SH2D4B: variants seen among roughly 807,000 people sequenced by gnomAD.
SH2D4B encodes the protein SH2 domain containing 4B, also known as SH2 domain-containing protein 4B.
In SH2D4B, 45 loss-of-function variants were observed where a neutral mutation model predicts 61.5. The observed-to-expected ratio is 0.73, with a 90% CI of 0.58 to 0.94. The LOEUF (loss-of-function observed/expected upper bound fraction) is 0.94. SH2D4B is among the 40% of genes least tolerant of loss of function. SH2D4B has a pLI of 0.00. For synonymous variants in SH2D4B, 224 were observed against 220.4 expected (o/e 1.02, Z -0.14); for missense variants, 572 against 574.2 (o/e 1.00, Z 0.04).
At chr10:80,594,302 A>G (rs1842363056) in intron 4 of SH2D4B, among the ~76,000 whole-genome samples, 1 of 152,200 alleles carries the variant, frequency 6.6e-6, no homozygotes, top group Non-Finnish European at 1.5e-5. Context: ...TGAGTTTCAT[A>G]TACTGAGCTA....
At chr10:80,605,572 T>C (rs1842509274) in intron 5 of SH2D4B, among the ~76,000 whole-genome samples, 1 of 152,200 alleles carries the variant, frequency 6.6e-6, no homozygotes, top group African/African-American at 2.4e-5. Context: ...TGAAGTATAA[T>C]GGCACCATCT....
At position 80,609,500 on chromosome 10, in the gene SH2D4B, C is replaced by T. The variant is rs756351009; in HGVS notation, c.937C>T (p.Arg313Cys). 6.1e-5 allele frequency: 98 copies of T among 1,614,106 alleles called. No individual in the cohort carries two copies. Among genetic ancestry groups the T allele is most frequent in the Admixed American group, 1.7e-4 (10 of 60,012 alleles). Residue 313 changes from arginine (R) to cysteine (C), a missense_variant, in exon 6 of 8, where the codon CGC becomes TGC. Physicochemically the swap from Arg to Cys is radical, Grantham distance 180. Transcript: ENST00000646907. ...CTGGTTTAAGGAGGAGCAGCTGCCTCGCCGAGCTGGCTTCGAGAGGAACAC... is the reference window on the plus strand; with the variant it reads ...CTGGTTTAAGGAGGAGCAGCTGCCTTGCCGAGCTGGCTTCGAGAGGAACAC... ...VRWFKEEQLP[R>C]RAGFERNTKF...
At chr10:80,553,319 G>A (rs1841786377) in intron 1 of SH2D4B, among the ~76,000 whole-genome samples, 1 of 152,198 alleles carries the variant, frequency 6.6e-6, no homozygotes, top group South Asian at 2.1e-4. Context: ...AAAGATTTAG[G>A]ATGTCCTGTC....
intron 1 of SH2D4B, among the ~76,000 whole-genome samples, chr10:80,552,548 C>T (rs1841775578): frequency 6.6e-6 from 1 of 152,190 alleles, no homozygotes; most frequent in East Asian, 1.9e-4. Flanking sequence ...ACAGCAGGGG[C>T]AGCTCGTGAG....
intron 3 of SH2D4B, among the ~76,000 whole-genome samples, chr10:80,587,710 C>CA (rs1420585619): frequency 1.3e-5 from 2 of 152,122 alleles, no homozygotes; most frequent in Non-Finnish European, 2.9e-5. Flanking sequence ...GCATATTACC[C>CA]AAGAGGCACT....
At chr10:80,544,407 G>A (rs1475179858) in intron 1 of SH2D4B, among the ~76,000 whole-genome samples, 1 of 152,340 alleles carries the variant, frequency 6.6e-6, no homozygotes, top group African/African-American at 2.4e-5. Flanking sequence ...GCGAGGGTCC[G>A]TGGCTTTATT....
At chr10:80,595,354 G>T (rs1190074355) in intron 4 of SH2D4B, among the ~76,000 whole-genome samples, 1 of 152,158 alleles carries the variant, frequency 6.6e-6, no homozygotes, top group Admixed American at 6.5e-5. Flanking sequence ...GGCTGTCTTT[G>T]CTCTCCAAGC....
In SH2D4B at chr10:80,634,395, C is replaced by T; in HGVS notation, c.1099C>T (p.Gln367Ter). ...GGGTTACACCCTCTCCTACCGCCTGCAGAAAGGGTTCAAACACTTTCTTGT... is the reference window on the plus strand; with the variant it reads ...GGGTTACACCCTCTCCTACCGCCTGTAGAAAGGGTTCAAACACTTTCTTGT... Reference protein sequence around the residue: ...IWGYTLSYRLQKGFKHFLVDA... With the variant: ...IWGYTLSYRL Residue 367 changes from glutamine to a stop codon, truncating the protein, a stop_gained, in exon 7 of 8, where the codon CAG becomes TAG. Transcript: ENST00000646907. LOFTEE classifies it high-confidence loss of function. 1 of 1,550,586 alleles carries T rather than the reference C, an allele frequency of 6.4e-7. No homozygotes were observed. The highest frequency in any genetic ancestry group is 8.7e-7 in the Non-Finnish European group (1 of 1,146,970).
intron 3 of SH2D4B, among the ~76,000 whole-genome samples, chr10:80,578,105 G>A (rs1406817297): frequency 6.6e-6 from 1 of 151,914 alleles, no homozygotes; most frequent in Non-Finnish European, 1.5e-5. Context: ...CAAGTAGCTG[G>A]GACTACAGGG....
intron 1 of SH2D4B, among the ~76,000 whole-genome samples, chr10:80,543,166 G>A (rs984211132): frequency 1.3e-5 from 2 of 152,306 alleles, no homozygotes; most frequent in South Asian, 2.1e-4. Context: ...CCACTTTGGC[G>A]GCACTTGAGG....
intron 1 of SH2D4B, among the ~76,000 whole-genome samples, chr10:80,568,976 C>G (rs1842005250): frequency 6.6e-6 from 1 of 152,236 alleles, no homozygotes; most frequent in African/African-American, 2.4e-5. Flanking sequence ...GATCTCTAGC[C>G]TGTTAAACAT....
intron 4 of SH2D4B, among the ~76,000 whole-genome samples, chr10:80,592,243 G>C (rs764120188): frequency 2.6e-5 from 4 of 152,044 alleles, no homozygotes; most frequent in Admixed American, 1.3e-4. Context: ...TTTTGTTGTT[G>C]AGTTGCCAGA....
At chr10:80,540,751 T>C in intron 1 of SH2D4B, 1 of 1,427,082 alleles carries the variant, frequency 7.0e-7, no homozygotes, top group Non-Finnish European at 9.5e-7. Context: ...GTGCTTGTCC[T>C]GGAGACGGTG....
chr10:80,644,320 A>G lies in SH2D4B; in HGVS notation c.*235A>G, dbSNP rs919477860. 10 of 479,830 alleles carry G rather than the reference A, an allele frequency of 2.1e-5. No homozygotes were observed. The highest frequency in any genetic ancestry group is 3.3e-5 in the Non-Finnish European group (9 of 269,558). 29.7% of individuals were successfully genotyped at this position (479,830 alleles called of 1,614,324 possible). On this transcript the variant is annotated 3_prime_UTR_variant, in exon 8 of 8. Transcript: ENST00000646907. Reference sequence around the variant, plus strand: ...CAACTCTTTCATGAAGAGCTTAGCTATGACCTTAGAAGACAAAGCCTGTTT... The same window carrying G: ...CAACTCTTTCATGAAGAGCTTAGCTGTGACCTTAGAAGACAAAGCCTGTTT...
At chr10:80,637,796 G>T (rs1193703668) in intron 7 of SH2D4B, among the ~76,000 whole-genome samples, 4 of 152,256 alleles carry the variant, frequency 2.6e-5, no homozygotes, top group Non-Finnish European at 5.9e-5. Context: ...CTGCCTGATT[G>T]CCCTGGCCAG....
intron 1 of SH2D4B, among the ~76,000 whole-genome samples, chr10:80,541,388 T>C (rs150091092): frequency 6.6e-6 from 1 of 152,358 alleles, no homozygotes; most frequent in Non-Finnish European, 1.5e-5. Context: ...AGTGCTATTC[T>C]TGTCTCATTG....
At chr10:80,544,706 G>T (rs2132102148) in intron 1 of SH2D4B, among the ~76,000 whole-genome samples, 1 of 152,320 alleles carries the variant, frequency 6.6e-6, no homozygotes, top group East Asian at 1.9e-4. Flanking sequence ...CCTGATCTCA[G>T]TGCAGTCCCT....
intron 6 of SH2D4B, among the ~76,000 whole-genome samples, chr10:80,615,464 T>G (rs1842650253): frequency 6.6e-6 from 1 of 152,244 alleles, no homozygotes. Context: ...TTACAATCCC[T>G]TACTGTATAT....
intron 1 of SH2D4B, among the ~76,000 whole-genome samples, chr10:80,569,940 G>A (rs570165443): frequency 3.2e-4 from 48 of 152,230 alleles, no homozygotes; most frequent in African/African-American, 1.1e-3. Flanking sequence ...GCCCACCCCC[G>A]CAGGCTGGTG....
Sources: gnomAD v4.1 joint callset for allele counts (sites outside exome capture counted in the v4.1 genomes callset) on GRCh38, gnomAD v4.1.1 for gene constraint, MANE v1.5 for transcripts, NCBI Gene and HGNC (gene_info 2026-07-23, HGNC 2026-07-21) for gene names.